Variants in CUBN observed in about 807,000 individuals in gnomAD.
CUBN encodes the protein 460 kDa receptor.
In CUBN, 282 loss-of-function variants were observed where a neutral mutation model predicts 405.3. The ratio of observed to expected loss-of-function variants is 0.70; its 90% CI spans 0.63 to 0.77. CUBN has a LOEUF of 0.77. CUBN is among the 30% of genes least tolerant of loss of function. CUBN has a pLI of 0.00. For missense variants in CUBN, 4,514 were observed against 4,475.2 expected, an observed-to-expected ratio of 1.01 and a Z score of -0.25; for synonymous variants, 1,684 against 1,617.0, an observed-to-expected ratio of 1.04 and a Z score of -0.99.
At chr10:17,069,894 ATTTTTCT>A (rs889201432) in intron 19 of CUBN, among the ~76,000 whole-genome samples, 1 of 151,824 alleles carries the variant, frequency 6.6e-6, no homozygotes, top group African/African-American at 2.4e-5. Context: ...TGAGGAAGTT[ATTTTTCT>A]TTTTTCTTTT....
In CUBN at chr10:16,904,855, G is replaced by T. The variant is rs149300679; in HGVS notation, c.7913-740C>A. ...CGGTGGTTTTGAAACAGGCAGAGGGGGTGAGGGTTTATCAGAATTCCATGG... is the reference window on the plus strand; with the variant it reads ...CGGTGGTTTTGAAACAGGCAGAGGGTGTGAGGGTTTATCAGAATTCCATGG... On this transcript the variant is annotated intron_variant, in intron 50 of 66. Coordinates refer to ENST00000377833, the MANE Select transcript of CUBN (RefSeq NM_001081.4). Among the ~76,000 whole-genome samples the T allele has an allele frequency of 4.7e-3, 716 of 152,294 alleles. 3 individuals carry two copies. The highest frequency in any genetic ancestry group is 6.4e-3 in the Non-Finnish European group (436 of 68,000).
chr10:16,926,936 A>G (rs2131584608), intron 41 of CUBN, among the ~76,000 whole-genome samples: 1 of 151,972 alleles, frequency 6.6e-6, no homozygotes, highest in South Asian at 2.1e-4. Context: ...CCTGACTAGT[A>G]TACATTACAC....
intron 10 of CUBN, among the ~76,000 whole-genome samples, chr10:17,106,294 A>T (rs887616366): frequency 1.3e-4 from 19 of 149,030 alleles, no homozygotes; most frequent in Admixed American, 3.4e-4. Flanking sequence ...CCAAGAAAAA[A>T]TTTTTTAATT....
intron 4 of CUBN, among the ~76,000 whole-genome samples, chr10:17,125,983 C>T (rs1354391943): frequency 2.0e-5 from 3 of 152,142 alleles, no homozygotes; most frequent in South Asian, 2.1e-4. Context: ...AATGGTGGGA[C>T]CTGCCTCAAT....
At chr10:17,100,429 C>T (rs1289070207) in intron 13 of CUBN, among the ~76,000 whole-genome samples, 190 bp from the exon 14 acceptor site, 1 of 152,108 alleles carries the variant, frequency 6.6e-6, no homozygotes, top group Non-Finnish European at 1.5e-5. Context: ...TAAAAACAAA[C>T]TTCAACTAAT....
chr10:17,000,870 T>C (rs1428822942), intron 28 of CUBN, among the ~76,000 whole-genome samples: 4 of 152,102 alleles, frequency 2.6e-5, no homozygotes, highest in African/African-American at 9.7e-5. Context: ...GGATGAGACA[T>C]GAGATTGTGT....
chr10:16,840,768 AT>A, intron 61 of CUBN, 116 bp downstream of exon 61: 1 of 956,548 alleles, frequency 1.0e-6, no homozygotes, highest in Middle Eastern at 3.2e-4. Context: ...TTAGATAGTA[AT>A]TGACATTGAG....
chr10:17,024,285 T>C (rs2131793615), intron 27 of CUBN, among the ~76,000 whole-genome samples: 1 of 152,164 alleles, frequency 6.6e-6, no homozygotes, highest in South Asian at 2.1e-4. Context: ...TCACTGAAAG[T>C]CAAGTTCTAA....
intron 17 of CUBN, among the ~76,000 whole-genome samples, chr10:17,074,072 A>T (rs1835798786): frequency 6.6e-6 from 1 of 152,220 alleles, no homozygotes; most frequent in East Asian, 1.9e-4. Flanking sequence ...TCTGAAGGAT[A>T]CAGACATCCA....
chr10:16,990,220 T>C (rs1833541156), intron 29 of CUBN, 114 bp downstream of exon 29: 1 of 1,007,070 alleles, frequency 9.9e-7, no homozygotes, highest in South Asian at 1.3e-5. Flanking sequence ...CTCATTAAAA[T>C]GTCTAAGAAT....
intron 50 of CUBN, 82 bp from the exon 51 acceptor site, chr10:16,904,197 C>G: frequency 7.6e-7 from 1 of 1,307,224 alleles, no homozygotes. Flanking sequence ...AAACAAATTT[C>G]AAGATATTCA....
chr10:16,869,510 C>A, intron 59 of CUBN, 126 bp downstream of exon 59: 1 of 768,740 alleles, frequency 1.3e-6, no homozygotes, highest in Non-Finnish European at 2.2e-6. Context: ...CCTTACATGG[C>A]ATATTCTTCT....
At position 16,895,384 on chromosome 10, in the gene CUBN, T is replaced by C. The variant is rs532341515; in HGVS notation, c.8598+3612A>G. ...ATATATATACACACACACACACACA[T>C]ATATATGTCAATCAGATCCTATTAA... On this transcript the variant is annotated intron_variant, in intron 54 of 66. Transcript: ENST00000377833. Among the ~76,000 whole-genome samples, 404 of 150,312 alleles carry C rather than the reference T, an allele frequency of 2.7e-3. 2 individuals are homozygous for C. The highest frequency in any genetic ancestry group is 4.4e-3 in the Non-Finnish European group (302 of 67,938).
chr10:17,064,944 G>A (rs1317176373), intron 22 of CUBN, among the ~76,000 whole-genome samples: 1 of 152,154 alleles, frequency 6.6e-6, no homozygotes, highest in Non-Finnish European at 1.5e-5. Context: ...TCATGCGGTA[G>A]TCTCTAATTT....
chr10:17,065,930 C>G (rs1835604507), intron 21 of CUBN, among the ~76,000 whole-genome samples: 2 of 152,044 alleles, frequency 1.3e-5, no homozygotes, highest in African/African-American at 4.8e-5. Flanking sequence ...TATTAATACA[C>G]TTTTTAATAG....
rs746253675 is a variant in CUBN at position 16,937,654 on chromosome 10, C to G, written c.5864G>C (p.Gly1955Ala). The G allele has an allele frequency of 6.2e-7, 1 of 1,614,020 alleles. No individual in the cohort carries two copies. Among genetic ancestry groups the G allele is most frequent in the Non-Finnish European group, 8.5e-7 (1 of 1,179,990 alleles). ...CACTGCAAACCACTCCAGAAGGAAT[C>G]CCTTCCCTGAGATTGAAGAGTCGGA... is the stretch of plus-strand genomic sequence containing the variant. Reference protein sequence around the residue: ...FYSDSSISGKGFLLEWFAVDA... With the variant: ...FYSDSSISGKAFLLEWFAVDA... The change falls in exon 39 of 67, where the codon GGA (glycine) becomes GCA (alanine). Residue 1955 changes from glycine (G) to alanine (A), a missense_variant. Physicochemically the swap from Gly to Ala is moderately conservative, Grantham distance 60. Transcript: ENST00000377833.
At chr10:16,921,270 T>C (rs1451279432) in intron 43 of CUBN, among the ~76,000 whole-genome samples, 1 of 152,230 alleles carries the variant, frequency 6.6e-6, no homozygotes, top group Admixed American at 6.5e-5. Flanking sequence ...GAGAATCTCT[T>C]CCATTTGTTA....
At chr10:17,094,995 A>AT (rs1307191627) in intron 14 of CUBN, among the ~76,000 whole-genome samples, 2 of 152,074 alleles carry the variant, frequency 1.3e-5, no homozygotes, top group Non-Finnish European at 1.5e-5. Flanking sequence ...ACACTACTTG[A>AT]TTTTAAAATA....
chr10:16,962,296 T>C (rs183226676), intron 31 of CUBN, among the ~76,000 whole-genome samples: 1 of 152,124 alleles, frequency 6.6e-6, no homozygotes, highest in African/African-American at 2.4e-5. Flanking sequence ...AAGTGGGAGC[T>C]AAATTGCTGT....
Sources: allele counts gnomAD v4.1 joint callset (sites outside exome capture counted in the v4.1 genomes callset), GRCh38; gene constraint gnomAD v4.1.1; transcripts MANE v1.5; gene names NCBI Gene and HGNC (gene_info 2026-07-23, HGNC 2026-07-21).